The following NR2F6 variants were observed in gnomAD, a reference collection of about 807,000 sequenced individuals.
NR2F6 encodes the protein nuclear receptor subfamily 2 group F member 6.
A neutral mutation model predicts 26.5 loss-of-function variants in NR2F6; 16 were observed. The observed-to-expected ratio is 0.60, with a 90% CI of 0.41 to 0.92. The LOEUF (loss-of-function observed/expected upper bound fraction) is 0.92. NR2F6 is among the 40% of genes least tolerant of loss of function. The pLI is 0.00. For missense variants in NR2F6, 536 were observed against 631.7 expected, an observed-to-expected ratio of 0.85 and a Z score of 1.62; for synonymous variants, 325 against 305.0, an observed-to-expected ratio of 1.07 and a Z score of -0.68.
chr19:17,241,336 CA>C (rs907056545), intron 1 of NR2F6, among the ~76,000 whole-genome samples: 109 of 79,342 alleles, frequency 1.4e-3, no homozygotes, highest in African/African-American at 5.2e-3. Flanking sequence ...AGGAAGTAAA[CA>C]AAGTCACTCT....
At chr19:17,239,068 G>A (rs2073454817) in intron 2 of NR2F6, among the ~76,000 whole-genome samples, 1 of 152,170 alleles carries the variant, frequency 6.6e-6, no homozygotes, top group South Asian at 2.1e-4. Flanking sequence ...GCCAGGCGCG[G>A]TGACTCACGC....
At position 17,238,971 on chromosome 19, in the gene NR2F6, C is replaced by T. The variant is rs549387510; in HGVS notation, c.373+1700G>A. Among the ~76,000 whole-genome samples, 15 of 152,204 alleles carry T rather than the reference C, an allele frequency of 9.9e-5. No individual in the cohort carries two copies. In the East Asian group the frequency reaches 1.5e-3, roughly 16 times the overall value. On this transcript the variant is annotated intron_variant, in intron 2 of 3. Transcript: ENST00000291442. Reference sequence around the variant, plus strand: ...ATCCGAGCACTTTGGGAGGCTGAGGCGAGCGGATCACCTGGGGTCAGGAGT... The same window carrying T: ...ATCCGAGCACTTTGGGAGGCTGAGGTGAGCGGATCACCTGGGGTCAGGAGT...
Position 17,245,352 on chromosome 19 carries a change from A to C in NR2F6, c.-132T>G, listed in dbSNP as rs2073492903. The C allele has an allele frequency of 3.4e-5, 26 of 767,278 alleles. No homozygotes were observed. The highest frequency in any genetic ancestry group is 2.4e-4 in the East Asian group (5 of 21,190). 47.5% of individuals were successfully genotyped at this position (767,278 alleles called of 1,614,324 possible). A position where few individuals can be genotyped will look rare whatever the true frequency, so the allele number is the denominator to read the frequency against. Reference sequence around the variant, plus strand: ...GGGGCACGGGCTGCACCCCCCAAAAAAGTTTTGCAGCAACTTCCTGCGGCC... The same window carrying C: ...GGGGCACGGGCTGCACCCCCCAAAACAGTTTTGCAGCAACTTCCTGCGGCC... On this transcript the variant is annotated 5_prime_UTR_variant, in exon 1 of 4. Transcript: ENST00000291442. The surrounding 1 kb of genome is among the most constrained non-coding windows in gnomAD (Gnocchi z 5.0).
chr19:17,233,279 A>G (rs542339205), intron 3 of NR2F6, among the ~76,000 whole-genome samples: 1 of 151,466 alleles, frequency 6.6e-6, no homozygotes, highest in African/African-American at 2.4e-5. Flanking sequence ...ATCATAGCAC[A>G]GCCTGGGCGA....
Position 17,239,570 on chromosome 19 carries a change from C to T in NR2F6, c.373+1101G>A, listed in dbSNP as rs559410160. Reference sequence around the variant, plus strand: ...TCCGGAGGCTGAGGCAGGAGAATGGCGTGAACCCAGGGGGCGGAGCCTGCA... The same window carrying T: ...TCCGGAGGCTGAGGCAGGAGAATGGTGTGAACCCAGGGGGCGGAGCCTGCA... On this transcript the variant is annotated intron_variant, in intron 2 of 3. Coordinates refer to ENST00000291442, the MANE Select transcript of NR2F6 (RefSeq NM_005234.4). Among the ~76,000 whole-genome samples the T allele has an allele frequency of 2.0e-3, 297 of 151,978 alleles. 1 individual carries two copies. The highest frequency in any genetic ancestry group is 6.8e-3 in the African/African-American group (280 of 41,444).
intron 3 of NR2F6, 152 bp from the exon 4 acceptor site, chr19:17,232,778 C>T: frequency 2.2e-6 from 2 of 904,082 alleles, no homozygotes; most frequent in Non-Finnish European, 3.2e-6. Context: ...TTTGGGAGGC[C>T]AAGGCAGAAG....
intron 1 of NR2F6, 137 bp from the exon 2 acceptor site, chr19:17,240,902 G>T: frequency 1.3e-6 from 1 of 757,294 alleles, no homozygotes; most frequent in Non-Finnish European, 2.1e-6. Flanking sequence ...GCCCCAAAGG[G>T]GTACAGGAGC....
Position 17,235,838 on chromosome 19 carries a change from T to C in NR2F6, c.601A>G (p.Asn201Asp), listed in dbSNP as rs2073433752. Residue 201 changes from asparagine to aspartate, a missense_variant, in exon 3 of 4, where the codon AAC becomes GAC. Physicochemically the swap from Asn to Asp is conservative, Grantham distance 23 (BLOSUM62 1). Transcript: ENST00000291442. This position sits in a 1 kb window ranked among gnomAD's most constrained non-coding sequence, Gnocchi z 5.0. ...GAAGAVLGID[N>D]VCELAARLLF... ...AGCCGCGCCGCCAGCTCGCACACGT[T>C]GTCGATGCCCAGCACCGCGCCCGCC... 6.8e-7 allele frequency: 1 copy of C among 1,479,582 alleles called. No homozygotes were observed. Among genetic ancestry groups the C allele is most frequent in the South Asian group, 1.3e-5 (1 of 78,334 alleles). 91.7% of individuals were successfully genotyped at this position (1,479,582 alleles called of 1,614,324 possible).
chr19:17,244,541 C>T (rs1463407264), intron 1 of NR2F6: 1 of 205,204 alleles, frequency 4.9e-6, no homozygotes, highest in Non-Finnish European at 9.8e-6. Flanking sequence ...GCTCCACGGT[C>T]CAAGTTCCAC....
chr19:17,240,911 G>A (rs1362293729), intron 1 of NR2F6, 146 bp from the exon 2 acceptor site: 10 of 698,284 alleles, frequency 1.4e-5, no homozygotes, highest in East Asian at 2.7e-5. Flanking sequence ...GGGTACAGGA[G>A]CTCAGCTTGC....
At chr19:17,239,043 A>C (rs565637595) in intron 2 of NR2F6, among the ~76,000 whole-genome samples, 1 of 152,270 alleles carries the variant, frequency 6.6e-6, no homozygotes, top group East Asian at 1.9e-4. Flanking sequence ...TCTCTATTAA[A>C]AATACAAAAA....
At chr19:17,233,020 G>A (rs943345528) in intron 3 of NR2F6, among the ~76,000 whole-genome samples, 15 of 152,168 alleles carry the variant, frequency 9.9e-5, no homozygotes, top group Non-Finnish European at 1.5e-4. Context: ...ATGGTAGTGC[G>A]TGCCTGCAGT....
In NR2F6 at chr19:17,232,496, G is replaced by C; in HGVS notation, c.1071C>G (p.Leu357=). The C allele has an allele frequency of 6.2e-7, 1 of 1,612,226 alleles. No individual in the cohort carries two copies. The highest frequency in any genetic ancestry group is 2.2e-5 in the East Asian group (1 of 44,832). ...AGGCAGGGACCGCGCGCAGGGCGGG[G>C]AGCCGCAGCAGCAGGCGCCCGAAGC... ...PQRFGRLLLR[L]PALRAVPASL... is the part of the protein sequence containing the mutation. Residue 357 remains leucine, a synonymous_variant, in exon 4 of 4, where the codon CTC becomes CTG. Transcript: ENST00000291442.
chr19:17,245,138 G>T lies in NR2F6; in HGVS notation c.83C>A (p.Ala28Asp). 1 of 1,444,426 alleles carries T rather than the reference G, an allele frequency of 6.9e-7. No individual in the cohort carries two copies. The highest frequency in any genetic ancestry group is 9.1e-7 in the Non-Finnish European group (1 of 1,104,166). 89.5% of individuals were successfully genotyped at this position (1,444,426 alleles called of 1,614,324 possible). The change falls in exon 1 of 4, where the codon GCC becomes GAC. Residue 28 changes from alanine to aspartate, a missense_variant. Coordinates refer to ENST00000291442, the MANE Select transcript of NR2F6 (RefSeq NM_005234.4). The surrounding 1 kb of genome is among the most constrained non-coding windows in gnomAD (Gnocchi z 5.0). ...VDKAGGYPRA[A>D]EDDSASPPGA... ...GGGGGGCGAGGCCGAGTCGTCCTCG[G>T]CCGCGCGCGGGTAGCCGCCCGCCTT...
Position 17,232,494 on chromosome 19 carries a change from G to A in NR2F6, c.1073C>T (p.Pro358Leu). 1 of 1,612,210 alleles carries A rather than the reference G, an allele frequency of 6.2e-7. No individual in the cohort carries two copies. Among genetic ancestry groups the A allele is most frequent in the Non-Finnish European group, 8.5e-7 (1 of 1,179,290 alleles). The change falls in exon 4 of 4, where the codon CCC (proline) becomes CTC (leucine). Residue 358 changes from proline (P) to leucine (L), a missense_variant. Pro to Leu is a moderately conservative substitution (Grantham distance 98). Transcript: ENST00000291442. The stretch of plus-strand genomic sequence containing the variant: ...GGAGGCAGGGACCGCGCGCAGGGCG[G>A]GGAGCCGCAGCAGCAGGCGCCCGAA... ...QRFGRLLLRL[P>L]ALRAVPASLI...
intron 3 of NR2F6, among the ~76,000 whole-genome samples, chr19:17,233,894 A>G (rs2073421559): frequency 6.6e-6 from 1 of 152,134 alleles, no homozygotes; most frequent in South Asian, 2.1e-4. Flanking sequence ...AGAATGTGGC[A>G]GCCTCTAGAG....
chr19:17,236,059 T>C lies in NR2F6; in HGVS notation c.380A>G (p.Gln127Arg). 1.8e-6 allele frequency: 2 copies of C among 1,137,224 alleles called. No homozygotes were observed. Among genetic ancestry groups the C allele is most frequent in the Non-Finnish European group, 2.1e-6 (2 of 936,556 alleles). 70.4% of individuals were successfully genotyped at this position (1,137,224 alleles called of 1,614,324 possible). Residue 127 changes from glutamine (Q) to arginine (R), a missense_variant, in exon 3 of 4, where the codon CAG becomes CGG. Gln to Arg is a conservative substitution (Grantham distance 43). Transcript: ENST00000291442. Reference protein sequence around the residue: ...FRVGMRKEAVQRGRIPHSLPG... With the variant: ...FRVGMRKEAVRRGRIPHSLPG... Reference sequence around the variant, plus strand: ...CAGCGAGTGCGGGATGCGGCCGCGCTGCACCGCTGCGGGAGGCGGGGACAG... The same window carrying C: ...CAGCGAGTGCGGGATGCGGCCGCGCCGCACCGCTGCGGGAGGCGGGGACAG...
In NR2F6 at chr19:17,232,471, A is replaced by T. The variant is rs911273504; in HGVS notation, c.1096T>A (p.Ser366Thr). The T allele has an allele frequency of 1.9e-6, 3 of 1,613,658 alleles. No homozygotes were observed. Among genetic ancestry groups the T allele is most frequent in the Non-Finnish European group, 1.7e-6 (2 of 1,179,966 alleles). Reference sequence around the variant, plus strand: ...ATGAAGAACAGCTGGGAGATGAGGGAGGCAGGGACCGCGCGCAGGGCGGGG... The same window carrying T: ...ATGAAGAACAGCTGGGAGATGAGGGTGGCAGGGACCGCGCGCAGGGCGGGG... ...RLPALRAVPA[S>T]LISQLFFMRL... The change falls in exon 4 of 4, where the codon TCC (serine) becomes ACC (threonine). Residue 366 changes from serine to threonine, a missense_variant. Physicochemically the swap from Ser to Thr is moderately conservative, Grantham distance 58 (BLOSUM62 1). Transcript: ENST00000291442.
In NR2F6 at chr19:17,245,244, G is replaced by T; in HGVS notation, c.-24C>A. 8.1e-7 allele frequency: 1 copy of T among 1,242,086 alleles called. No homozygotes were observed. Among genetic ancestry groups the T allele is most frequent in the Non-Finnish European group, 1.0e-6 (1 of 996,390 alleles). The allele number at this position is 1,242,086 out of a possible 1,614,324, so 76.9% of individuals were successfully genotyped here. A position where few individuals can be genotyped will look rare whatever the true frequency, so the allele number is the denominator to read the frequency against. On this transcript the variant is annotated 5_prime_UTR_variant, in exon 1 of 4. Transcript: ENST00000291442. This position sits in a 1 kb window ranked among gnomAD's most constrained non-coding sequence, Gnocchi z 5.0. ...ATAGCCCCAGGGCAGCGGGGCCGGG[G>T]CGCCCCCACCGCGCTCTTCCCTCCG...
Sources: allele counts gnomAD v4.1 joint callset (sites outside exome capture counted in the v4.1 genomes callset), GRCh38; gene constraint gnomAD v4.1.1; non-coding constraint Gnocchi (gnomAD v3.1); transcripts MANE v1.5; gene names NCBI Gene and HGNC (gene_info 2026-07-23, HGNC 2026-07-21).